The following MAPT variants were observed in gnomAD, a reference collection of about 807,000 sequenced individuals.
MAPT encodes the protein microtubule associated protein tau, also known as microtubule-associated protein tau.
Under a neutral mutation model 67.9 loss-of-function variants are expected in MAPT, and 34 were observed. The observed-to-expected ratio is 0.50, with a 90% confidence interval of 0.38 to 0.67. The LOEUF (loss-of-function observed/expected upper bound fraction) is 0.67, where lower values mean the gene tolerates loss of function less well. Among genes scored for constraint, MAPT ranks in the 30% least tolerant of loss-of-function variants. MAPT has a pLI of 0.00. For missense variants in MAPT, 881 were observed against 1,115.2 expected (o/e 0.79, Z 2.99); for synonymous variants, 456 against 464.5 (o/e 0.98, Z 0.23).
chr17:45,982,904 G>A lies in MAPT; in HGVS notation c.325G>A (p.Glu109Lys). The A allele has an allele frequency of 1.5e-6, 2 of 1,336,568 alleles. No individual in the cohort carries two copies. Among genetic ancestry groups the A allele is most frequent in the East Asian group, 2.7e-5 (1 of 36,364 alleles). 82.8% of individuals were successfully genotyped at this position (1,336,568 alleles called of 1,614,324 possible). A position where few individuals can be genotyped will look rare whatever the true frequency, so the allele number is the denominator to read the frequency against. Residue 109 changes from glutamate to lysine, a missense_variant, in exon 5 of 13, where the codon GAA becomes AAA. Glu to Lys is a moderately conservative substitution (Grantham distance 56). Around this residue, in one of 6 missense-constraint regions of MAPT, gnomAD observed 687 missense variants for 766.1 expected, o/e 0.90. Coordinates refer to ENST00000262410, the MANE Select transcript of MAPT (RefSeq NM_001377265.1). ...TCCGGGCCGGCAGAGGAAGGCGCCT[G>A]AAAGGCCCCTGGCCAATGAGATTAG... ...RVPGRQRKAP[E>K]RPLANEISAH...
At chr17:45,941,721 T>TCCTGCCTG (rs1200571064) in intron 1 of MAPT, among the ~76,000 whole-genome samples, 1 of 124,626 alleles carries the variant, frequency 8.0e-6, no homozygotes, top group Non-Finnish European at 1.7e-5. Context: ...CTTCCTTCCT[T>TCCTGCCTG]CCTTCCTTCC....
Position 45,928,002 on chromosome 17 carries a change from GAAAAAA to G in MAPT, c.-18+33336_-18+33341del, listed in dbSNP as rs35954789. On this transcript the variant is annotated intron_variant, in intron 1 of 12. Transcript: ENST00000262410. ...GTGACAGAGTGAGACTCCGTCTCAG[GAAAAAA>G]AAAAAAAAAAAAAAAAAAAGCATCC... 3.5e-3 allele frequency among the ~76,000 whole-genome samples: 194 copies of G among 55,192 alleles called. 1 individual carries two copies. The highest frequency in any genetic ancestry group is 5.7e-3 in the Non-Finnish European group (177 of 30,986). 36.2% of individuals were successfully genotyped at this position (55,192 alleles called of 152,430 possible).
At chr17:45,905,290 C>T (rs931193362) in intron 1 of MAPT, among the ~76,000 whole-genome samples, 4 of 152,206 alleles carry the variant, frequency 2.6e-5, no homozygotes, top group South Asian at 2.1e-4. Context: ...TTCTCTCCAC[C>T]GGGTTCAGTT....
At chr17:45,994,118 C>T (rs1166095314) in intron 8 of MAPT, 5 of 734,086 alleles carry the variant, frequency 6.8e-6, no homozygotes, top group African/African-American at 1.8e-5. Context: ...TGGAGCAGTC[C>T]GAATTCTCTT....
At chr17:45,963,884 G>T (rs1261409518) in intron 2 of MAPT, among the ~76,000 whole-genome samples, 1 of 152,150 alleles carries the variant, frequency 6.6e-6, no homozygotes, top group Non-Finnish European at 1.5e-5. Flanking sequence ...AATCAGCGAA[G>T]ATATTGGATT....
chr17:45,911,005 T>G (rs973727299), intron 1 of MAPT, among the ~76,000 whole-genome samples: 3 of 152,246 alleles, frequency 2.0e-5, no homozygotes, highest in Admixed American at 2.0e-4. Context: ...TACAAGTTAT[T>G]TTTTCCACAT....
chr17:45,953,472 T>A (rs1019404821), intron 1 of MAPT, among the ~76,000 whole-genome samples: 3 of 152,226 alleles, frequency 2.0e-5, no homozygotes, highest in African/African-American at 7.2e-5. Context: ...TGTCCCAGGA[T>A]CAGGGTGGAG....
At position 45,981,145 on chromosome 17, in the gene MAPT, C is replaced by T. The variant is rs1431923549; in HGVS notation, c.287-1721C>T. Among the ~76,000 whole-genome samples the T allele has an allele frequency of 2.6e-5, 4 of 152,110 alleles. No individual in the cohort carries two copies. The South Asian group carries it at 6.2e-4, about 24-fold the overall frequency. ...CCGATGGGGTCGGGCCCACAGGTTACCTTTGTGTGTCCATGACCACACCTT... is the reference window on the plus strand; with the variant it reads ...CCGATGGGGTCGGGCCCACAGGTTATCTTTGTGTGTCCATGACCACACCTT... On this transcript the variant is annotated intron_variant, in intron 4 of 12. Coordinates refer to ENST00000262410, the MANE Select transcript of MAPT (RefSeq NM_001377265.1).
At chr17:45,994,570 C>T (rs2074325458) in intron 8 of MAPT, among the ~76,000 whole-genome samples, 1 of 152,210 alleles carries the variant, frequency 6.6e-6, no homozygotes, top group South Asian at 2.1e-4. Flanking sequence ...CGTCTATAAT[C>T]CCGGCACTTT....
At chr17:45,944,310 T>C (rs1165262388) in intron 1 of MAPT, among the ~76,000 whole-genome samples, 2 of 151,972 alleles carry the variant, frequency 1.3e-5, no homozygotes, top group African/African-American at 4.8e-5. Flanking sequence ...CCCAAATCCA[T>C]GGAGGGAGCT....
intron 1 of MAPT, among the ~76,000 whole-genome samples, chr17:45,941,725 T>TCCTGCCTG (rs1568208384): frequency 4.9e-5 from 6 of 123,336 alleles, no homozygotes; most frequent in Admixed American, 8.6e-5. Context: ...CTTCCTTCCT[T>TCCTGCCTG]CCTTCCTTCC....
chr17:45,993,903 T>C, intron 8 of MAPT: 2 of 1,558,524 alleles, frequency 1.3e-6, no homozygotes, highest in Non-Finnish European at 1.7e-6. Flanking sequence ...AATAAGGCTT[T>C]CGTGGATTTT....
chr17:45,913,189 G>A (rs1324015520), intron 1 of MAPT, among the ~76,000 whole-genome samples: 1 of 152,180 alleles, frequency 6.6e-6, no homozygotes, highest in Non-Finnish European at 1.5e-5. Context: ...TCACAATCAT[G>A]GCAGAAGGCA....
chr17:45,940,380 T>G (rs1199795756), intron 1 of MAPT, among the ~76,000 whole-genome samples: 1 of 152,236 alleles, frequency 6.6e-6, no homozygotes, highest in African/African-American at 2.4e-5. Context: ...TTCACCTGTC[T>G]GTGCTTCAGA....
rs1491383142 is a variant in MAPT, at chr17:45,915,495, GGT to G, written c.-18+20815_-18+20816del. 2.0e-5 allele frequency among the ~76,000 whole-genome samples: 3 copies of G among 150,666 alleles called. No homozygotes were observed. Among genetic ancestry groups the G allele is most frequent in the Admixed American group, 6.6e-5 (1 of 15,072 alleles). On this transcript the variant is annotated intron_variant, in intron 1 of 12. Coordinates refer to ENST00000262410, the MANE Select transcript of MAPT (RefSeq NM_001377265.1). The surrounding 1 kb of genome is among the most constrained non-coding windows in gnomAD (Gnocchi z 4.4). ...GTGTGGTGTGTTGTGATATGTGTGT[GGT>G]GTGTGAGCATGTGTGTGTGATGTGT...
chr17:45,950,991 G>A (rs1484765154), intron 1 of MAPT, among the ~76,000 whole-genome samples: 2 of 152,134 alleles, frequency 1.3e-5, no homozygotes, highest in African/African-American at 4.8e-5. Context: ...AAAAGACTGT[G>A]GTGTCCATCA....
At chr17:45,985,573 A>T in intron 5 of MAPT, 1 of 459,864 alleles carries the variant, frequency 2.2e-6, no homozygotes, top group Non-Finnish European at 2.9e-6. Flanking sequence ...CAGAGCCTTT[A>T]ATGTACTAAT....
In MAPT at chr17:45,906,967, T is replaced by A. The variant is rs1049328364; in HGVS notation, c.-18+12281T>A. Among the ~76,000 whole-genome samples the A allele has an allele frequency of 5.3e-5, 8 of 152,212 alleles. No individual in the cohort carries two copies. The highest frequency in any genetic ancestry group is 1.2e-4 in the Non-Finnish European group (8 of 68,044). ...CCTCGGATCCTTATGGAAACAATAATGAGTTGTTCCCTGTTTCAATTCCAA... is the reference window on the plus strand; with the variant it reads ...CCTCGGATCCTTATGGAAACAATAAAGAGTTGTTCCCTGTTTCAATTCCAA... On this transcript the variant is annotated intron_variant, in intron 1 of 12. Transcript: ENST00000262410. The surrounding 1 kb of genome is among the most constrained non-coding windows in gnomAD (Gnocchi z 4.3).
chr17:45,917,649 T>C (rs1442355918), intron 1 of MAPT, among the ~76,000 whole-genome samples: 1 of 152,190 alleles, frequency 6.6e-6, no homozygotes, highest in Non-Finnish European at 1.5e-5. Flanking sequence ...AAGGTTTTTC[T>C]TGCCCAGGGT....
Sources: allele counts gnomAD v4.1 joint callset (sites outside exome capture counted in the v4.1 genomes callset), GRCh38; gene constraint gnomAD v4.1.1; regional missense constraint gnomAD v4.1.1; non-coding constraint Gnocchi (gnomAD v3.1); transcripts MANE v1.5; gene names NCBI Gene and HGNC (gene_info 2026-07-23, HGNC 2026-07-21).